CABP5: variants seen among roughly 807,000 people sequenced by gnomAD.
CABP5 encodes the protein calcium-binding protein 5.
A neutral mutation model predicts 21.9 loss-of-function variants in CABP5; 17 were observed. The observed-to-expected ratio is 0.78, with a 90% CI of 0.53 to 1.17. The LOEUF is 1.17. CABP5 is among the 50% of genes most tolerant of loss of function. The probability of loss-of-function intolerance (pLI) is 0.00; values close to 1 mark genes in which losing one functional copy is unlikely to be tolerated. For synonymous variants in CABP5, 85 were observed against 79.4 expected (o/e 1.07, Z -0.37); for missense variants, 229 against 228.9 (o/e 1.00, Z 0.00).
intron 4 of CABP5, among the ~76,000 whole-genome samples, chr19:48,034,941 G>C (rs903225547): frequency 6.6e-6 from 1 of 152,058 alleles, no homozygotes; most frequent in African/African-American, 2.4e-5. Context: ...TCCTTCCAAA[G>C]TGCTAGGCTT....
Position 48,029,486 on chromosome 19 carries a change from A to G in CABP5, c.*1071T>C, listed in dbSNP as rs1171865990. Among the ~76,000 whole-genome samples, 2 of 151,914 alleles carry G rather than the reference A, an allele frequency of 1.3e-5. No individual in the cohort carries two copies. The highest frequency in any genetic ancestry group is 2.9e-5 in the Non-Finnish European group (2 of 67,986). On this transcript the variant is annotated 3_prime_UTR_variant, in exon 6 of 6. Transcript: ENST00000293255. ...GAATCTCTCTTTTCTGTTTCATGGC[A>G]CAGATCGATGTCAGGACGTGAGGGA...
chr19:48,039,986 A>G (rs1967460671), intron 3 of CABP5, among the ~76,000 whole-genome samples: 1 of 152,094 alleles, frequency 6.6e-6, no homozygotes, highest in Non-Finnish European at 1.5e-5. Flanking sequence ...GAGTGCTGGA[A>G]TTACAGGTTA....
At chr19:48,031,835 A>C (rs1213760805) in intron 5 of CABP5, among the ~76,000 whole-genome samples, 3 of 134,156 alleles carry the variant, frequency 2.2e-5, no homozygotes, top group African/African-American at 8.7e-5. Context: ...CCTTCTCCAG[A>C]TGTCACTTGA....
intron 4 of CABP5, among the ~76,000 whole-genome samples, chr19:48,036,631 C>A (rs905598901): frequency 6.6e-6 from 1 of 152,114 alleles, no homozygotes; most frequent in Non-Finnish European, 1.5e-5. Flanking sequence ...TGCATAATGA[C>A]AAATATTGCT....
intron 2 of CABP5, 93 bp from the exon 3 acceptor site, chr19:48,040,841 A>C: frequency 2.4e-6 from 3 of 1,272,362 alleles, no homozygotes; most frequent in Non-Finnish European, 2.2e-6. Context: ...CCAACTAGAG[A>C]CTCCTTAAAG....
At chr19:48,033,353 T>C (rs1471711071) in intron 5 of CABP5, among the ~76,000 whole-genome samples, 1 of 152,202 alleles carries the variant, frequency 6.6e-6, no homozygotes, top group Middle Eastern at 3.4e-3. Context: ...GTCTCATCCA[T>C]GTAGAACCCC....
chr19:48,038,052 T>A (rs539786455), intron 4 of CABP5, among the ~76,000 whole-genome samples: 1 of 152,282 alleles, frequency 6.6e-6, no homozygotes, highest in East Asian at 1.9e-4. Context: ...TAGCTGGGAT[T>A]ACAGGCGCCC....
At chr19:48,030,607 A>C (rs757652572) in intron 5 of CABP5, 25 bp from the exon 6 acceptor site, 13 of 1,610,770 alleles carry the variant, frequency 8.1e-6, no homozygotes, top group Non-Finnish European at 1.1e-5. Context: ...AAAAATCCCC[A>C]GTAAGGCATC....
chr19:48,034,415 G>C (rs560592552), intron 4 of CABP5, 53 bp from the exon 5 acceptor site: 76 of 1,353,810 alleles, frequency 5.6e-5, no homozygotes, highest in Non-Finnish European at 7.1e-5. Flanking sequence ...TGATAGCCAC[G>C]AGATGATGGA....
chr19:48,036,398 T>G (rs1175420665), intron 4 of CABP5, among the ~76,000 whole-genome samples: 1 of 152,172 alleles, frequency 6.6e-6, no homozygotes, highest in Non-Finnish European at 1.5e-5. Context: ...GAATATTGCA[T>G]TTAAATATAT....
intron 4 of CABP5, among the ~76,000 whole-genome samples, chr19:48,037,749 T>C (rs1485095325): frequency 6.6e-6 from 1 of 152,220 alleles, no homozygotes; most frequent in African/African-American, 2.4e-5. Flanking sequence ...CTGGATTTCA[T>C]AAGGCAGTAA....
chr19:48,035,198 G>A (rs1242333479), intron 4 of CABP5, among the ~76,000 whole-genome samples: 1 of 152,136 alleles, frequency 6.6e-6, no homozygotes, highest in African/African-American at 2.4e-5. Flanking sequence ...GATTCTGCAT[G>A]TAACATCATG....
At chr19:48,033,303 C>T (rs1967365055) in intron 5 of CABP5, among the ~76,000 whole-genome samples, 1 of 135,204 alleles carries the variant, frequency 7.4e-6, no homozygotes, top group Non-Finnish European at 1.7e-5. Context: ...CATGTCCGGC[C>T]GACATGCCTT....
chr19:48,036,662 T>G (rs1485605890), intron 4 of CABP5, among the ~76,000 whole-genome samples: 1 of 152,170 alleles, frequency 6.6e-6, no homozygotes, highest in Non-Finnish European at 1.5e-5. Context: ...AAATCACAAT[T>G]ACTTTTGCAT....
At chr19:48,043,771 T>C in intron 1 of CABP5, 89 bp downstream of exon 1, 7 of 1,123,876 alleles carry the variant, frequency 6.2e-6, no homozygotes, top group Non-Finnish European at 8.4e-6. Flanking sequence ...TTCCCCTGGT[T>C]CTGTGGCACC....
rs746306064 is a variant in CABP5, at chr19:48,040,647, C to G, written c.196G>C (p.Glu66Gln). 4.3e-6 allele frequency: 7 copies of G among 1,613,896 alleles called. No individual in the cohort carries two copies. The East Asian group carries it at 1.6e-4, about 36-fold the overall frequency. ...LMRTMGYMPTEMELIELGQQI... is the reference protein window; with the variant it reads ...LMRTMGYMPTQMELIELGQQI... ...TGGCCGAGCTCAATCAGTTCCATCT[C>G]CGTGGGCATGTAACCCATCGTCCTC... Residue 66 changes from glutamate (E) to glutamine (Q), a missense_variant, in exon 3 of 6, where the codon GAG (glutamate) becomes CAG (glutamine). Transcript: ENST00000293255.
chr19:48,040,066 A>C (rs1443267365), intron 3 of CABP5, among the ~76,000 whole-genome samples: 1 of 151,996 alleles, frequency 6.6e-6, no homozygotes, highest in Admixed American at 6.6e-5. Context: ...ATCAGTTATG[A>C]TCTCCATCCA....
intron 2 of CABP5, 129 bp from the exon 3 acceptor site, chr19:48,040,877 A>C: frequency 1.1e-6 from 1 of 897,552 alleles, no homozygotes; most frequent in African/African-American, 1.7e-5. Flanking sequence ...ACAAAACAAA[A>C]CAAAACAAAA....
chr19:48,040,871 A>C, intron 2 of CABP5, 123 bp from the exon 3 acceptor site: 4 of 757,142 alleles, frequency 5.3e-6, no homozygotes, highest in Non-Finnish European at 7.8e-6. Context: ...TTAGAAACAA[A>C]ACAAAACAAA....
Sources: gnomAD v4.1 joint callset for allele counts (sites outside exome capture counted in the v4.1 genomes callset) on GRCh38, gnomAD v4.1.1 for gene constraint, MANE v1.5 for transcripts, NCBI Gene and HGNC (gene_info 2026-07-23, HGNC 2026-07-21) for gene names.